The following AK5 variants were observed in gnomAD, a reference collection of about 807,000 sequenced individuals.
The protein encoded by AK5 is adenylate kinase 5.
A neutral mutation model predicts 69.5 loss-of-function variants in AK5; 27 were observed. The ratio of observed to expected loss-of-function variants is 0.39; its 90% CI spans 0.29 to 0.54. The LOEUF is 0.54. Among genes scored for constraint, AK5 ranks in the 20% least tolerant of loss-of-function variants. The pLI is 0.71. For missense variants in AK5, 531 were observed against 700.4 expected (o/e 0.76, Z 2.73); for synonymous variants, 260 against 244.4 (o/e 1.06, Z -0.60).
chr1:77,429,956 A>T (rs1651492783), intron 8 of AK5, among the ~76,000 whole-genome samples: 1 of 152,210 alleles, frequency 6.6e-6, no homozygotes, highest in South Asian at 2.1e-4. Flanking sequence ...AGGGCTTTGT[A>T]GAGCAGGTTA....
At chr1:77,367,302 C>A (rs970566890) in intron 6 of AK5, among the ~76,000 whole-genome samples, 1 of 151,090 alleles carries the variant, frequency 6.6e-6, no homozygotes, top group Non-Finnish European at 1.5e-5. Context: ...CAAGTCTAAA[C>A]ATGAAATTTA....
chr1:77,303,392 A>G (rs1659451126), intron 5 of AK5, among the ~76,000 whole-genome samples: 1 of 152,264 alleles, frequency 6.6e-6, no homozygotes, highest in Non-Finnish European at 1.5e-5. Context: ...CAAAATAACA[A>G]TAAATCCACA....
intron 13 of AK5, among the ~76,000 whole-genome samples, chr1:77,539,979 CAG>C (rs1491442654): frequency 1.2e-4 from 18 of 152,194 alleles, no homozygotes; most frequent in Non-Finnish European, 2.5e-4. Flanking sequence ...ATTAAAGCCA[CAG>C]GGGGGGCCAA....
intron 5 of AK5, among the ~76,000 whole-genome samples, chr1:77,322,186 A>C (rs1660569687): frequency 2.0e-5 from 3 of 152,216 alleles, no homozygotes. Flanking sequence ...TGTTTGCATC[A>C]GAAGAATGAA....
At chr1:77,489,807 CCTT>C (rs1655862391) in intron 10 of AK5, among the ~76,000 whole-genome samples, 2 of 152,190 alleles carry the variant, frequency 1.3e-5, no homozygotes, top group South Asian at 4.1e-4. Context: ...CTTAGACTGG[CCTT>C]CTGGTCTTTC....
chr1:77,286,038 G>C (rs368849579), intron 1 of AK5, among the ~76,000 whole-genome samples: 2 of 152,118 alleles, frequency 1.3e-5, no homozygotes, highest in East Asian at 1.9e-4. Flanking sequence ...TTTTATGCTG[G>C]ATACCATGGG....
chr1:77,494,707 C>G (rs558576386), intron 10 of AK5, among the ~76,000 whole-genome samples: 10 of 152,166 alleles, frequency 6.6e-5, no homozygotes, highest in African/African-American at 2.4e-4. Flanking sequence ...ATTTTTATTA[C>G]CTAATAGCAA....
At chr1:77,316,985 T>C (rs1162831447) in intron 5 of AK5, among the ~76,000 whole-genome samples, 1 of 152,238 alleles carries the variant, frequency 6.6e-6, no homozygotes, top group African/African-American at 2.4e-5. Context: ...AAAAACTTAC[T>C]GGCTTAAAAC....
intron 3 of AK5, among the ~76,000 whole-genome samples, chr1:77,297,042 AAGGCAAGGAC>A (rs1659047656): frequency 6.6e-6 from 1 of 152,194 alleles, no homozygotes; most frequent in South Asian, 2.1e-4. Flanking sequence ...CAAAGGATAT[AAGGCAAGGAC>A]AGGCATGAGC....
chr1:77,283,371 C>T (rs1234594030), intron 1 of AK5: 2 of 985,250 alleles, frequency 2.0e-6, no homozygotes, highest in African/African-American at 1.7e-5. Flanking sequence ...TCACTGCAAA[C>T]CTCGTTCCCC....
chr1:77,524,139 A>T (rs1658146054), intron 12 of AK5, among the ~76,000 whole-genome samples: 1 of 152,218 alleles, frequency 6.6e-6, no homozygotes, highest in African/African-American at 2.4e-5. Context: ...GTCAAATAAC[A>T]TTCCATTGTA....
intron 8 of AK5, among the ~76,000 whole-genome samples, chr1:77,438,316 AAAAAAAAAC>A (rs761620601): frequency 0.019 from 2,731 of 144,702 alleles, 65 homozygotes; most frequent in Non-Finnish European, 0.026. Context: ...AAAAAAAAAA[AAAAAAAAAC>A]AAGCTTGGGG....
At chr1:77,340,671 C>A in intron 6 of AK5, 103 bp downstream of exon 6, 2 of 1,073,836 alleles carry the variant, frequency 1.9e-6, no homozygotes, top group Non-Finnish European at 2.6e-6. Flanking sequence ...TAAAAAGTGG[C>A]TTTTGGGGGG....
chr1:77,494,455 T>C (rs6697255), intron 10 of AK5, among the ~76,000 whole-genome samples: 57,735 of 151,894 alleles, frequency 0.38, 11,394 homozygotes, highest in Middle Eastern at 0.51. Flanking sequence ...GAGGAGAGAA[T>C]ACCCAAAGTC....
chr1:77,404,481 C>T (rs1649481312), intron 6 of AK5, among the ~76,000 whole-genome samples: 2 of 152,054 alleles, frequency 1.3e-5, no homozygotes, highest in Non-Finnish European at 1.5e-5. Context: ...CTCCCTTCAC[C>T]ATACACACAA....
chr1:77,505,619 C>T (rs997462072), intron 10 of AK5, among the ~76,000 whole-genome samples: 1 of 152,048 alleles, frequency 6.6e-6, no homozygotes, highest in Admixed American at 6.5e-5. Context: ...GTAATCCCGG[C>T]ACTTTGAGAG....
At chr1:77,411,820 C>T (rs1454571969) in intron 7 of AK5, among the ~76,000 whole-genome samples, 1 of 152,078 alleles carries the variant, frequency 6.6e-6, no homozygotes, top group East Asian at 1.9e-4. Flanking sequence ...TATTTGAAGC[C>T]ACCTAAGAGT....
intron 8 of AK5, among the ~76,000 whole-genome samples, chr1:77,467,569 AT>A (rs555687882): frequency 1.9e-4 from 29 of 152,136 alleles, no homozygotes; most frequent in African/African-American, 5.5e-4. Flanking sequence ...TTCATACCTG[AT>A]TTTTTTTCTA....
chr1:77,444,423 C>CTATATATAGTATATAT (rs1652598008), intron 8 of AK5, among the ~76,000 whole-genome samples: 33 of 26,546 alleles, frequency 1.2e-3, no homozygotes, highest in South Asian at 8.9e-3. Flanking sequence ...ATAGTATATA[C>CTATATATAGTATATAT]ATAGTATAAA....
Sources: gnomAD v4.1 joint callset for allele counts (sites outside exome capture counted in the v4.1 genomes callset) on GRCh38, gnomAD v4.1.1 for gene constraint, MANE v1.5 for transcripts, NCBI Gene and HGNC (gene_info 2026-07-23, HGNC 2026-07-21) for gene names.